Variants in ZNF224 observed in about 807,000 individuals in gnomAD.
ZNF224 encodes the protein zinc finger protein 224, also known as bone marrow zinc finger 2.
ZNF224 carries 8 observed loss-of-function variants against 10.5 expected under a neutral mutation model. The ratio of observed to expected loss-of-function variants is 0.76; its 90% CI spans 0.45 to 1.37. ZNF224 has a LOEUF of 1.37. Among genes scored for constraint, ZNF224 ranks in the 40% most tolerant of loss-of-function variants. ZNF224 has a pLI of 0.00. For missense variants in ZNF224, 754 were observed against 854.0 expected (o/e 0.88, Z 1.46); for synonymous variants, 282 against 287.8 (o/e 0.98, Z 0.20).
At position 44,099,814 on chromosome 19, in the gene ZNF224, G is replaced by T. The variant is rs75739262; in HGVS notation, c.16-987G>T. 8.2e-3 allele frequency among the ~76,000 whole-genome samples: 1,246 copies of T among 151,598 alleles called. 24 individuals are homozygous for T. The highest frequency in any genetic ancestry group is 0.029 in the African/African-American group (1,195 of 41,480). Reference sequence around the variant, plus strand: ...ATAATGTATCCCCTTGAAAGATTTTGAAGTTAGGTAAAAAAAAAAATTGAG... The same window carrying T: ...ATAATGTATCCCCTTGAAAGATTTTTAAGTTAGGTAAAAAAAAAAATTGAG... On this transcript the variant is annotated intron_variant, in intron 3 of 5. Transcript: ENST00000693561.
At position 44,109,743 on chromosome 19, in the gene ZNF224, T is replaced by C. The variant is rs1967791989; in HGVS notation, c.*1459T>C. ...ATATGAACTCAATGAGATGATGACA[T>C]AGACACAATAACAAAAGGAGAAAAA... is the stretch of plus-strand genomic sequence containing the variant. On this transcript the variant is annotated 3_prime_UTR_variant, in exon 6 of 6. Transcript: ENST00000693561. 6.6e-6 allele frequency: 1 copy of C among 152,214 alleles called. No homozygotes were observed. The highest frequency in any genetic ancestry group is 2.4e-5 in the African/African-American group (1 of 41,448). The allele number at this position is 152,214 out of a possible 1,614,324, so 9.4% of individuals were successfully genotyped here. A position where few individuals can be genotyped will look rare whatever the true frequency, so the allele number is the denominator to read the frequency against.
At position 44,106,812 on chromosome 19, in the gene ZNF224, C is replaced by CA. The variant is rs767716633; in HGVS notation, c.653dup (p.His218GlnfsTer27). ...TGGTAAGGAATTCAGTCAGAGTTCA[C>CA]ATCTGCAAACTCATCAGAGAGTCCA... is the stretch of plus-strand genomic sequence containing the variant. On this transcript the variant is annotated frameshift_variant, in exon 6 of 6. Coordinates refer to ENST00000693561, the MANE Select transcript of ZNF224 (RefSeq NM_001321645.3). LOFTEE classifies it low-confidence loss of function (END_TRUNC). The CA allele has an allele frequency of 1.2e-6, 2 of 1,613,800 alleles. No individual in the cohort carries two copies. Among genetic ancestry groups the CA allele is most frequent in the South Asian group, 2.2e-5 (2 of 91,076 alleles).
chr19:44,107,955 G>A lies in ZNF224; in HGVS notation c.1795G>A (p.Asp599Asn), dbSNP rs200531077. The change falls in exon 6 of 6, where the codon GAT (aspartate) becomes AAT (asparagine). Residue 599 changes from aspartate to asparagine, a missense_variant. Physicochemically the swap from Asp to Asn is conservative, Grantham distance 23. Coordinates refer to ENST00000693561, the MANE Select transcript of ZNF224 (RefSeq NM_001321645.3). Reference sequence around the variant, plus strand: ...CACTGGAGAAAAGCCATACAAATGTGATGAGTGTGGGAAGGGCTTCAGCTG... The same window carrying A: ...CACTGGAGAAAAGCCATACAAATGTAATGAGTGTGGGAAGGGCTTCAGCTG... ...VHTGEKPYKC[D>N]ECGKGFSWSS... 1.4e-5 allele frequency: 22 copies of A among 1,614,242 alleles called. No individual in the cohort carries two copies. In the East Asian group the frequency reaches 4.5e-4, roughly 33 times the overall value.
chr19:44,106,684 C>T lies in ZNF224; in HGVS notation c.524C>T (p.Ser175Phe). Residue 175 changes from serine (S) to phenylalanine (F), a missense_variant, in exon 6 of 6, where the codon TCT becomes TTT. By Grantham distance (155) the Ser-to-Phe change is radical. Coordinates refer to ENST00000693561, the MANE Select transcript of ZNF224 (RefSeq NM_001321645.3). Reference sequence around the variant, plus strand: ...CAACAATTACACTCAGGAGAGAAATCTCATACGTGTGATGAGTGTGGAAAG... The same window carrying T: ...CAACAATTACACTCAGGAGAGAAATTTCATACGTGTGATGAGTGTGGAAAG... ...FHQQLHSGEKSHTCDECGKNF... is the reference protein window; with the variant it reads ...FHQQLHSGEKFHTCDECGKNF... 1 of 1,599,994 alleles carries T rather than the reference C, an allele frequency of 6.3e-7. No homozygotes were observed. The highest frequency in any genetic ancestry group is 1.1e-5 in the South Asian group (1 of 88,378).
chr19:44,106,062 C>T, intron 5 of ZNF224: 1 of 229,804 alleles, frequency 4.4e-6, no homozygotes, highest in Non-Finnish European at 8.6e-6. Context: ...GGTAGATCCA[C>T]TTTTAGTTCT....
intron 5 of ZNF224, 29 bp from the exon 6 acceptor site, chr19:44,106,367 C>G (rs751108340): frequency 4.3e-6 from 7 of 1,611,656 alleles, no homozygotes; most frequent in Non-Finnish European, 5.9e-6. Context: ...CTTCACTTGT[C>G]CTCATCTTTT....
rs1240532063 is a variant in ZNF224 at position 44,108,328 on chromosome 19, G to A, written c.*44G>A. 3 of 1,544,530 alleles carry A rather than the reference G, an allele frequency of 1.9e-6. No individual in the cohort carries two copies. The highest frequency in any genetic ancestry group is 1.7e-6 in the Non-Finnish European group (2 of 1,146,422). ...AAGTCTTCACTCAGTCTTCATGAAT[G>A]CAGTCTCATCTGAAAGTTCACAAAG... On this transcript the variant is annotated 3_prime_UTR_variant, in exon 6 of 6. Coordinates refer to ENST00000693561, the MANE Select transcript of ZNF224 (RefSeq NM_001321645.3).
At position 44,107,181 on chromosome 19, in the gene ZNF224, G is replaced by T; in HGVS notation, c.1021G>T (p.Glu341Ter). The change falls in exon 6 of 6, where the codon GAG becomes TAG. Residue 341 changes from glutamate (E) to a stop codon, truncating the protein, a stop_gained. Coordinates refer to ENST00000693561, the MANE Select transcript of ZNF224 (RefSeq NM_001321645.3). LOFTEE classifies it low-confidence loss of function (END_TRUNC). ...LNSHRMIHTG[E>*]KPYKCEECGK... is the part of the protein sequence containing the mutation. ...TAGTCATCGCATGATCCACACAGGA[G>T]AGAAACCATACAAATGTGAGGAGTG... 3 of 1,606,594 alleles carry T rather than the reference G, an allele frequency of 1.9e-6. No individual in the cohort carries two copies. The highest frequency in any genetic ancestry group is 2.6e-6 in the Non-Finnish European group (3 of 1,176,212).
chr19:44,108,321 C>T lies in ZNF224; in HGVS notation c.*37C>T. On this transcript the variant is annotated 3_prime_UTR_variant, in exon 6 of 6. Coordinates refer to ENST00000693561, the MANE Select transcript of ZNF224 (RefSeq NM_001321645.3). Reference sequence around the variant, plus strand: ...TGCAATAAAGTCTTCACTCAGTCTTCATGAATGCAGTCTCATCTGAAAGTT... The same window carrying T: ...TGCAATAAAGTCTTCACTCAGTCTTTATGAATGCAGTCTCATCTGAAAGTT... The T allele has an allele frequency of 3.2e-6, 5 of 1,558,636 alleles. No individual in the cohort carries two copies. The highest frequency in any genetic ancestry group is 4.3e-6 in the Non-Finnish European group (5 of 1,153,098).
chr19:44,108,629 A>G lies in ZNF224; in HGVS notation c.*345A>G. 2.0e-6 allele frequency: 1 copy of G among 498,990 alleles called. No individual in the cohort carries two copies. Among genetic ancestry groups the G allele is most frequent in the Middle Eastern group, 3.2e-4 (1 of 3,100 alleles). The allele number at this position is 498,990 out of a possible 1,614,324, so 30.9% of individuals were successfully genotyped here. A position where few individuals can be genotyped will look rare whatever the true frequency, so the allele number is the denominator to read the frequency against. On this transcript the variant is annotated 3_prime_UTR_variant, in exon 6 of 6. Coordinates refer to ENST00000693561, the MANE Select transcript of ZNF224 (RefSeq NM_001321645.3). ...CAGGCCTTAGAAAGAGTAAGAGTTC[A>G]TGAATTTACCAGACTAATGGTGGAC...
chr19:44,097,066 TC>T, intron 2 of ZNF224: 1 of 239,720 alleles, frequency 4.2e-6, no homozygotes, highest in Non-Finnish European at 8.5e-6. Flanking sequence ...ACGCTGTCTT[TC>T]AGATTTCTCC....
rs894050787 is a variant in ZNF224, at chr19:44,109,612, C to G, written c.*1328C>G. 1 of 152,040 alleles carries G rather than the reference C, an allele frequency of 6.6e-6. No homozygotes were observed. Among genetic ancestry groups the G allele is most frequent in the African/African-American group, 2.4e-5 (1 of 41,410 alleles). 9.4% of individuals were successfully genotyped at this position (152,040 alleles called of 1,614,324 possible). On this transcript the variant is annotated 3_prime_UTR_variant, in exon 6 of 6. Coordinates refer to ENST00000693561, the MANE Select transcript of ZNF224 (RefSeq NM_001321645.3). ...GGAAACTATGCCTATGACACTAAAA[C>G]TCCAAAAAGTAGAAGACCACATTGA...
Position 44,107,456 on chromosome 19 carries a change from G to T in ZNF224, c.1296G>T (p.Glu432Asp). ...HSGEKPYKCV[E>D]CGKGYKRRLD... ...GAGAAAAACCATACAAATGTGTGGA[G>T]TGTGGGAAGGGCTACAAAAGGAGGT... Residue 432 changes from glutamate (E) to aspartate (D), a missense_variant, in exon 6 of 6, where the codon GAG becomes GAT. Physicochemically the swap from Glu to Asp is conservative, Grantham distance 45 (BLOSUM62 2). Transcript: ENST00000693561. 6.2e-7 allele frequency: 1 copy of T among 1,607,618 alleles called. No individual in the cohort carries two copies. The highest frequency in any genetic ancestry group is 8.5e-7 in the Non-Finnish European group (1 of 1,177,280).
Position 44,097,834 on chromosome 19 carries a change from T to C in ZNF224, c.-40T>C. ...CAATTCTGCTTTCCCAGGAACTGCATCACTCAGGACTCTGCAAGTTTCCAG... is the reference window on the plus strand; with the variant it reads ...CAATTCTGCTTTCCCAGGAACTGCACCACTCAGGACTCTGCAAGTTTCCAG... On this transcript the variant is annotated 5_prime_UTR_variant, in exon 3 of 6. Coordinates refer to ENST00000693561, the MANE Select transcript of ZNF224 (RefSeq NM_001321645.3). 3 of 1,611,770 alleles carry C rather than the reference T, an allele frequency of 1.9e-6. No homozygotes were observed. Among genetic ancestry groups the C allele is most frequent in the East Asian group, 2.2e-5 (1 of 44,780 alleles).
Position 44,107,624 on chromosome 19 carries a change from G to C in ZNF224, c.1464G>C (p.Glu488Asp), listed in dbSNP as rs754186240. The change falls in exon 6 of 6, where the codon GAG (glutamate) becomes GAC (aspartate). Residue 488 changes from glutamate (E) to aspartate (D), a missense_variant. Coordinates refer to ENST00000693561, the MANE Select transcript of ZNF224 (RefSeq NM_001321645.3). ...HSGEKPFQCE[E>D]CGKRFTQNSH... ...GAGAAAAACCATTCCAATGTGAAGA[G>C]TGTGGGAAGAGATTTACTCAAAATT... is the stretch of plus-strand genomic sequence containing the variant. 6.2e-7 allele frequency: 1 copy of C among 1,614,018 alleles called. No individual in the cohort carries two copies. The highest frequency in any genetic ancestry group is 2.2e-5 in the East Asian group (1 of 44,880).
Position 44,108,992 on chromosome 19 carries a change from G to T in ZNF224, c.*708G>T. The T allele has an allele frequency of 4.6e-6, 1 of 216,884 alleles. No homozygotes were observed. The highest frequency in any genetic ancestry group is 9.6e-6 in the Non-Finnish European group (1 of 103,674). 13.4% of individuals were successfully genotyped at this position (216,884 alleles called of 1,614,324 possible). ...ATTATTTTATTGCACTTGGCTCCTG[G>T]CTTCCCCCCATCCTGTGCTCTGAAG... On this transcript the variant is annotated 3_prime_UTR_variant, in exon 6 of 6. Coordinates refer to ENST00000693561, the MANE Select transcript of ZNF224 (RefSeq NM_001321645.3).
In ZNF224 at chr19:44,108,035, A is replaced by AT. The variant is rs773488372; in HGVS notation, c.1876dup (p.Cys626LeufsTer2). 4 of 1,614,178 alleles carry AT rather than the reference A, an allele frequency of 2.5e-6. No individual in the cohort carries two copies. Among genetic ancestry groups the AT allele is most frequent in the Non-Finnish European group, 3.4e-6 (4 of 1,180,018 alleles). On this transcript the variant is annotated frameshift_variant, in exon 6 of 6. Coordinates refer to ENST00000693561, the MANE Select transcript of ZNF224 (RefSeq NM_001321645.3). LOFTEE classifies it low-confidence loss of function (END_TRUNC). ...GCCACAGCAGAGAAACACCTCTCAA[A>AT]TGTGAGCAGCATGGGAAGAACATTG...
chr19:44,107,094 G>A lies in ZNF224; in HGVS notation c.934G>A (p.Ala312Thr). 1.2e-6 allele frequency: 2 copies of A among 1,602,296 alleles called. No homozygotes were observed. Among genetic ancestry groups the A allele is most frequent in the Non-Finnish European group, 8.5e-7 (1 of 1,173,656 alleles). The stretch of plus-strand genomic sequence containing the variant: ...TAATAGGCATTCCATGGTTCACACG[G>A]CAGAGAAACCATTCCGATGTGATAC... ...RLNRHSMVHT[A>T]EKPFRCDTCD... The change falls in exon 6 of 6, where the codon GCA becomes ACA. Residue 312 changes from alanine (A) to threonine (T), a missense_variant. By Grantham distance (58) the Ala-to-Thr change is moderately conservative. Transcript: ENST00000693561.
Position 44,108,074 on chromosome 19 carries a change from C to G in ZNF224, c.1914C>G (p.Phe638Leu). 1.2e-6 allele frequency: 2 copies of G among 1,611,898 alleles called. No homozygotes were observed. The highest frequency in any genetic ancestry group is 1.7e-6 in the Non-Finnish European group (2 of 1,178,542). Residue 638 changes from phenylalanine to leucine, a missense_variant, in exon 6 of 6, where the codon TTC becomes TTG. Physicochemically the swap from Phe to Leu is conservative, Grantham distance 22 (BLOSUM62 0). Transcript: ENST00000693561. The stretch of plus-strand genomic sequence containing the variant: ...GGAAGAACATTGTACAGAATTCATT[C>G]TCTAAAGTGCAAGAAAAAGTTCACA... ...QHGKNIVQNS[F>L]SKVQEKVHSV...
Sources: gnomAD v4.1 joint callset for allele counts (sites outside exome capture counted in the v4.1 genomes callset) on GRCh38, gnomAD v4.1.1 for gene constraint, MANE v1.5 for transcripts, NCBI Gene and HGNC (gene_info 2026-07-23, HGNC 2026-07-21) for gene names.